ADCY4: variants seen among roughly 807,000 people sequenced by gnomAD.
ADCY4 encodes the protein adenylate cyclase 4, also known as adenylate cyclase type 4.
A neutral mutation model predicts 125.5 loss-of-function variants in ADCY4; 111 were observed. The ratio of observed to expected loss-of-function variants is 0.88; its 90% CI spans 0.76 to 1.04. ADCY4 has a LOEUF of 1.04. ADCY4 is among the 50% of genes least tolerant of loss of function. The probability of loss-of-function intolerance (pLI) is 0.00; values close to 1 mark genes in which losing one functional copy is unlikely to be tolerated. For missense variants in ADCY4, 1,256 were observed against 1,382.9 expected, an observed-to-expected ratio of 0.91 and a Z score of 1.46; for synonymous variants, 576 against 586.9, an observed-to-expected ratio of 0.98 and a Z score of 0.27.
intron 12 of ADCY4, 68 bp from the exon 13 acceptor site, chr14:24,325,955 C>G: frequency 6.3e-7 from 1 of 1,582,204 alleles, no homozygotes; most frequent in South Asian, 1.1e-5. Context: ...AGGAAGAGGG[C>G]AGAGTGAGGG....
intron 14 of ADCY4, 111 bp downstream of exon 14, chr14:24,325,266 G>T: frequency 1.2e-6 from 1 of 814,144 alleles, no homozygotes. Flanking sequence ...CTGTGGGTAA[G>T]TGCCTGAAGC....
In ADCY4 at chr14:24,332,662, T is replaced by C; in HGVS notation, c.379A>G (p.Ile127Val). The change falls in exon 3 of 25, where the codon ATC (isoleucine) becomes GTC (valine). Residue 127 changes from isoleucine (I) to valine (V), a missense_variant. By Grantham distance (29) the Ile-to-Val change is conservative (BLOSUM62 3). Transcript: ENST00000418030. ...GGCAGCATGGCATACGCCGTGAAGA[T>C]GACGAAGAGAAAATAGGACACCTGG... ...WDQVSYFLFV[I>V]FTAYAMLPLG... 2 of 1,589,548 alleles carry C rather than the reference T, an allele frequency of 1.3e-6. No homozygotes were observed. Among genetic ancestry groups the C allele is most frequent in the South Asian group, 1.1e-5 (1 of 87,900 alleles).
chr14:24,334,797 C>CT lies in ADCY4; in HGVS notation c.-146dup, dbSNP rs1475032309. On this transcript the variant is annotated 5_prime_UTR_variant, in exon 1 of 25. Coordinates refer to ENST00000418030, the MANE Select transcript of ADCY4 (RefSeq NM_001198568.2). ...CCCAACCTCGTGGCAATCCCGTCTCCTTTTTCAGGCCCTCCCTGCGGCCTC... is the reference window on the plus strand; with the variant it reads ...CCCAACCTCGTGGCAATCCCGTCTCCTTTTTTCAGGCCCTCCCTGCGGCCTC... 6 of 656,582 alleles carry CT rather than the reference C, an allele frequency of 9.1e-6. No homozygotes were observed. The highest frequency in any genetic ancestry group is 1.3e-5 in the Non-Finnish European group (5 of 399,458). The allele number at this position is 656,582 out of a possible 1,614,324, so 40.7% of individuals were successfully genotyped here.
chr14:24,322,629 G>A lies in ADCY4; in HGVS notation c.2422C>T (p.Arg808Cys), dbSNP rs1383513234. 6.2e-7 allele frequency: 1 copy of A among 1,614,084 alleles called. No homozygotes were observed. The highest frequency in any genetic ancestry group is 8.5e-7 in the Non-Finnish European group (1 of 1,179,990). Residue 808 changes from arginine to cysteine, a missense_variant, in exon 19 of 25, where the codon CGC becomes TGC. Coordinates refer to ENST00000418030, the MANE Select transcript of ADCY4 (RefSeq NM_001198568.2). ...IFFFTLLVLARQNEYYCRLDF... is the reference protein window; with the variant it reads ...IFFFTLLVLACQNEYYCRLDF... ...GGCTGAGCTGGGTGACTTACCTGGCGAGCCAGGACAAGGAGGGTGAAGAAG... is the reference window on the plus strand; with the variant it reads ...GGCTGAGCTGGGTGACTTACCTGGCAAGCCAGGACAAGGAGGGTGAAGAAG...
Position 24,322,884 on chromosome 14 carries a change from T to C in ADCY4, c.2342+20A>G. The C allele has an allele frequency of 6.3e-7, 1 of 1,576,356 alleles. No individual in the cohort carries two copies. The highest frequency in any genetic ancestry group is 8.6e-7 in the Non-Finnish European group (1 of 1,161,022). ...CCCATCCCAGGGGGCCCGGCACCTC[T>C]GTCCAGCAGCTGTGCACACCTGGAG... On this transcript the variant is annotated intron_variant, in intron 18 of 24. Transcript: ENST00000418030.
chr14:24,328,976 G>C, intron 10 of ADCY4, 85 bp downstream of exon 10: 4 of 1,484,802 alleles, frequency 2.7e-6, no homozygotes, highest in Non-Finnish European at 2.7e-6. Flanking sequence ...CTGGTGGTGG[G>C]GGCAGGGAAG....
chr14:24,322,972 G>T lies in ADCY4; in HGVS notation c.2274C>A (p.Phe758Leu). ...CCGACAGCCAGGCATGGGAGTGCAG[G>T]AAGAGGGAGCAGGATGCCGCCAGCC... is the stretch of plus-strand genomic sequence containing the variant. The part of the protein sequence containing the change: ...LLWLAASCSL[F>L]LHSHAWLSEC... The change falls in exon 18 of 25, where the codon TTC becomes TTA. Residue 758 changes from phenylalanine to leucine, a missense_variant. Coordinates refer to ENST00000418030, the MANE Select transcript of ADCY4 (RefSeq NM_001198568.2). 6.2e-7 allele frequency: 1 copy of T among 1,614,012 alleles called. No individual in the cohort carries two copies. Among genetic ancestry groups the T allele is most frequent in the South Asian group, 1.1e-5 (1 of 91,042 alleles).
Position 24,323,378 on chromosome 14 carries a change from T to G in ADCY4, c.2123A>C (p.Glu708Ala), listed in dbSNP as rs2041886757. Residue 708 changes from glutamate to alanine, a missense_variant, in exon 17 of 25, where the codon GAG (glutamate) becomes GCG (alanine). Transcript: ENST00000418030. ...VSSMISNLSW[E>A]LPGSLPLISV... ...GATGAGAGGCAGAGACCCAGGGAGC[T>G]CCCAGGAGAGGTTGGAAATCATGGA... is the stretch of plus-strand genomic sequence containing the variant. The G allele has an allele frequency of 6.4e-7, 1 of 1,557,058 alleles. No homozygotes were observed. Among genetic ancestry groups the G allele is most frequent in the East Asian group, 2.4e-5 (1 of 41,502 alleles).
At position 24,332,894 on chromosome 14, in the gene ADCY4, A is replaced by G. The variant is rs2042068755; in HGVS notation, c.254T>C (p.Leu85Pro). The change falls in exon 2 of 25, where the codon CTG becomes CCG. Residue 85 changes from leucine to proline, a missense_variant. Coordinates refer to ENST00000418030, the MANE Select transcript of ADCY4 (RefSeq NM_001198568.2). ...LLGLASREQR[L>P]QRWTRPLSGL... ...GGACAGGGGACGCGTCCAGCGCTGC[A>G]GTCGCTGCTCCCGGGAAGCGAGGCC... 6.2e-7 allele frequency: 1 copy of G among 1,605,996 alleles called. No individual in the cohort carries two copies. The highest frequency in any genetic ancestry group is 8.5e-7 in the Non-Finnish European group (1 of 1,175,914).
chr14:24,330,198 C>T lies in ADCY4; in HGVS notation c.1028G>A (p.Arg343His), dbSNP rs137899348. 502 of 1,614,180 alleles carry T rather than the reference C, an allele frequency of 3.1e-4. No individual in the cohort carries two copies. The highest frequency in any genetic ancestry group is 4.1e-4 in the Non-Finnish European group (482 of 1,180,038). Residue 343 changes from arginine (R) to histidine (H), a missense_variant, in exon 7 of 25, where the codon CGC (arginine) becomes CAC (histidine). Coordinates refer to ENST00000418030, the MANE Select transcript of ADCY4 (RefSeq NM_001198568.2). ...SLPDHAINCV[R>H]MGLDMCRAIR... Reference sequence around the variant, plus strand: ...GGCCCGGCACATGTCCAGGCCCATGCGCACGCAGTTGATGGCATGGTCTGG... The same window carrying T: ...GGCCCGGCACATGTCCAGGCCCATGTGCACGCAGTTGATGGCATGGTCTGG...
Position 24,319,158 on chromosome 14 carries a change from G to A in ADCY4, c.2896C>T (p.Leu966=). The A allele has an allele frequency of 6.2e-7, 1 of 1,614,066 alleles. No homozygotes were observed. The highest frequency in any genetic ancestry group is 8.5e-7 in the Non-Finnish European group (1 of 1,180,022). The change falls in exon 23 of 25, where the codon CTG becomes TTG. Residue 966 remains leucine (L), a synonymous_variant. Coordinates refer to ENST00000418030, the MANE Select transcript of ADCY4 (RefSeq NM_001198568.2). This position sits in a 1 kb window ranked among gnomAD's most constrained non-coding sequence, Gnocchi z 4.5. ...TTGATGACGTCCAGCTTAGACCCCA[G>A]GGCCACGGCAAATTCCACCATAGTG... ...LGTMVEFAVA[L]GSKLDVINKH...
rs756706783 is a variant in ADCY4 at position 24,319,410 on chromosome 14, C to T, written c.2760G>A (p.Gly920=). Residue 920 remains glycine (G), a synonymous_variant, in exon 22 of 25, where the codon GGG becomes GGA. Coordinates refer to ENST00000418030, the MANE Select transcript of ADCY4 (RefSeq NM_001198568.2). This position sits in a 1 kb window ranked among gnomAD's most constrained non-coding sequence, Gnocchi z 4.5. The part of the protein sequence containing the change: ...DELLSKPKFS[G]VEKIKTIGST... ...TGCCGATGGTCTTGATCTTCTCCAC[C>T]CCACTGAACTTGGGCTTGGAGAGCA... The T allele has an allele frequency of 1.2e-6, 2 of 1,614,182 alleles. No homozygotes were observed. Among genetic ancestry groups the T allele is most frequent in the Non-Finnish European group, 1.7e-6 (2 of 1,180,030 alleles).
At position 24,332,946 on chromosome 14, in the gene ADCY4, C is replaced by T. The variant is rs766668540; in HGVS notation, c.202G>A (p.Ala68Thr). The change falls in exon 2 of 25, where the codon GCG (alanine) becomes ACG (threonine). Residue 68 changes from alanine to threonine, a missense_variant. Ala to Thr is a moderately conservative substitution (Grantham distance 58). Coordinates refer to ENST00000418030, the MANE Select transcript of ADCY4 (RefSeq NM_001198568.2). ...AGCAGCAGCGAGAAGCCGCCCAGCG[C>T]GCACAGCACAGTGGTCAGGAAGCTC... ...DPSFLTTVLC[A>T]LGGFSLLLGL... The T allele has an allele frequency of 1.9e-6, 3 of 1,589,634 alleles. No homozygotes were observed. The highest frequency in any genetic ancestry group is 2.3e-5 in the South Asian group (2 of 88,032).
At position 24,332,666 on chromosome 14, in the gene ADCY4, G is replaced by A. The variant is rs2042061484; in HGVS notation, c.375C>T (p.Phe125=). The change falls in exon 3 of 25, where the codon TTC becomes TTT. Residue 125 remains phenylalanine, a synonymous_variant. Coordinates refer to ENST00000418030, the MANE Select transcript of ADCY4 (RefSeq NM_001198568.2). ...GCATGGCATACGCCGTGAAGATGAC[G>A]AAGAGAAAATAGGACACCTGGGGGC... ...SAWDQVSYFL[F]VIFTAYAMLP... 6.3e-7 allele frequency: 1 copy of A among 1,589,648 alleles called. No individual in the cohort carries two copies. The highest frequency in any genetic ancestry group is 8.6e-7 in the Non-Finnish European group (1 of 1,168,364).
In ADCY4 at chr14:24,333,100, C is replaced by T. The variant is rs189167802; in HGVS notation, c.160-112G>A. Reference sequence around the variant, plus strand: ...CCCAGTTCTGAAAGGTGTCTCAAGCCTAAGTACGAAAAGGAGGCAAGGCAC... The same window carrying T: ...CCCAGTTCTGAAAGGTGTCTCAAGCTTAAGTACGAAAAGGAGGCAAGGCAC... On this transcript the variant is annotated intron_variant, in intron 1 of 24. Coordinates refer to ENST00000418030, the MANE Select transcript of ADCY4 (RefSeq NM_001198568.2). 5 of 1,129,984 alleles carry T rather than the reference C, an allele frequency of 4.4e-6. No homozygotes were observed. In the Admixed American group the frequency reaches 1.7e-4, roughly 38 times the overall value. 70.0% of individuals were successfully genotyped at this position (1,129,984 alleles called of 1,614,324 possible). A position where few individuals can be genotyped will look rare whatever the true frequency, so the allele number is the denominator to read the frequency against.
Position 24,319,711 on chromosome 14 carries a change from A to G in ADCY4, c.2733+31T>C. 16 of 1,613,734 alleles carry G rather than the reference A, an allele frequency of 9.9e-6. No homozygotes were observed. Among genetic ancestry groups the G allele is most frequent in the Middle Eastern group, 1.7e-4 (1 of 6,022 alleles). On this transcript the variant is annotated intron_variant, in intron 21 of 24. Coordinates refer to ENST00000418030, the MANE Select transcript of ADCY4 (RefSeq NM_001198568.2). The surrounding 1 kb of genome is among the most constrained non-coding windows in gnomAD (Gnocchi z 4.5). ...GGTGGAAAATTCTAGAATCTAGGAC[A>G]TAGGGTCTGGGAGACTCTTGGAATT...
At chr14:24,325,258 G>A in intron 14 of ADCY4, 119 bp downstream of exon 14, 3 of 770,318 alleles carry the variant, frequency 3.9e-6, no homozygotes, top group Non-Finnish European at 6.6e-6. Context: ...TGTTTCCTCT[G>A]TGGGTAAGTG....
chr14:24,322,866 C>T, intron 18 of ADCY4, 38 bp downstream of exon 18: 1 of 1,559,144 alleles, frequency 6.4e-7, no homozygotes, highest in Non-Finnish European at 8.7e-7. Context: ...CACCCCATCC[C>T]AGGGGGCCCG....
chr14:24,333,442 C>T (rs1252365109), intron 1 of ADCY4, among the ~76,000 whole-genome samples: 1 of 151,890 alleles, frequency 6.6e-6, no homozygotes, highest in African/African-American at 2.4e-5. Flanking sequence ...GTTGCCCAGG[C>T]TGGTCTCGAG....
Sources: allele counts gnomAD v4.1 joint callset (sites outside exome capture counted in the v4.1 genomes callset), GRCh38; gene constraint gnomAD v4.1.1; non-coding constraint Gnocchi (gnomAD v3.1); transcripts MANE v1.5; gene names NCBI Gene and HGNC (gene_info 2026-07-23, HGNC 2026-07-21).